SEZ6L: variants seen among roughly 807,000 people sequenced by gnomAD.
SEZ6L encodes the protein seizure 6-like protein.
Under a neutral mutation model 106.2 loss-of-function variants are expected in SEZ6L, and 37 were observed. That is an observed-to-expected ratio of 0.35 (90% confidence interval 0.27 to 0.46). The LOEUF (loss-of-function observed/expected upper bound fraction) is 0.46. Among genes scored for constraint, SEZ6L ranks in the 20% least tolerant of loss-of-function variants. The probability of loss-of-function intolerance (pLI) is 1.00; values close to 1 mark genes in which losing one functional copy is unlikely to be tolerated. For missense variants in SEZ6L, 1,172 were observed against 1,332.8 expected (o/e 0.88, Z 1.88); for synonymous variants, 541 against 570.4 (o/e 0.95, Z 0.73).
At chr22:26,368,974 C>T (rs2083910920) in intron 13 of SEZ6L, among the ~76,000 whole-genome samples, 1 of 152,168 alleles carries the variant, frequency 6.6e-6, no homozygotes, top group Admixed American at 6.5e-5. Flanking sequence ...CCCCAACCAG[C>T]CAGTCACCGC....
chr22:26,231,783 G>A (rs1165050734), intron 1 of SEZ6L, among the ~76,000 whole-genome samples: 1 of 152,230 alleles, frequency 6.6e-6, no homozygotes, highest in African/African-American at 2.4e-5. Flanking sequence ...CCACGATGCA[G>A]AAGCCCCCAG....
intron 9 of SEZ6L, among the ~76,000 whole-genome samples, chr22:26,316,271 A>G (rs1041049552): frequency 6.6e-6 from 1 of 152,176 alleles, no homozygotes; most frequent in African/African-American, 2.4e-5. Flanking sequence ...AATGGAATGG[A>G]TTGTCTCTCT....
At chr22:26,323,769 A>T (rs1190945312) in intron 9 of SEZ6L, among the ~76,000 whole-genome samples, 1 of 150,692 alleles carries the variant, frequency 6.6e-6, no homozygotes, top group South Asian at 2.1e-4. Flanking sequence ...GGCACACATT[A>T]TCTCATTGAT....
chr22:26,339,809 T>C (rs2082766570), intron 9 of SEZ6L, among the ~76,000 whole-genome samples: 1 of 152,228 alleles, frequency 6.6e-6, no homozygotes, highest in Non-Finnish European at 1.5e-5. Context: ...GCCTGGTGCC[T>C]AACACAGAGA....
At chr22:26,247,766 C>T (rs2079412413) in intron 1 of SEZ6L, among the ~76,000 whole-genome samples, 1 of 152,208 alleles carries the variant, frequency 6.6e-6, no homozygotes, top group South Asian at 2.1e-4. Flanking sequence ...CTAATATACC[C>T]TCTCTAGGCT....
At chr22:26,327,278 A>G (rs1490171298) in intron 9 of SEZ6L, among the ~76,000 whole-genome samples, 1 of 140,444 alleles carries the variant, frequency 7.1e-6, no homozygotes, top group Non-Finnish European at 1.6e-5. Flanking sequence ...CCACACACAC[A>G]CACCACCCCA....
At chr22:26,304,599 T>A (rs992953309) in intron 5 of SEZ6L, among the ~76,000 whole-genome samples, 1 of 152,166 alleles carries the variant, frequency 6.6e-6, no homozygotes, top group African/African-American at 2.4e-5. Context: ...ATATTTTTCA[T>A]TAGATTTTTA....
Position 26,292,364 on chromosome 22 carries a change from A to G in SEZ6L, c.95-42A>G, listed in dbSNP as rs552227093. The G allele has an allele frequency of 3.9e-6, 6 of 1,519,538 alleles. No individual in the cohort carries two copies. The East Asian group carries it at 6.8e-5, about 17-fold the overall frequency. The allele number at this position is 1,519,538 out of a possible 1,614,324, so 94.1% of individuals were successfully genotyped here. On this transcript the variant is annotated intron_variant, in intron 1 of 16. Coordinates refer to ENST00000248933, the MANE Select transcript of SEZ6L (RefSeq NM_021115.5). Reference sequence around the variant, plus strand: ...GAGTCTGACAGCAGGTGAAGGTCCTAAATCTCCCCAAACTAACTGGTGTCT... The same window carrying G: ...GAGTCTGACAGCAGGTGAAGGTCCTGAATCTCCCCAAACTAACTGGTGTCT...
chr22:26,253,461 C>G (rs978793161), intron 1 of SEZ6L, among the ~76,000 whole-genome samples: 1 of 152,164 alleles, frequency 6.6e-6, no homozygotes, highest in Admixed American at 6.5e-5. Context: ...TGTCCTTTCT[C>G]AACGTTTTCA....
At chr22:26,351,340 C>A in intron 12 of SEZ6L, 97 bp downstream of exon 12, 2 of 1,094,252 alleles carry the variant, frequency 1.8e-6, no homozygotes, top group Non-Finnish European at 1.3e-6. Flanking sequence ...AGGCCTTCTG[C>A]TTTTCGACAG....
At chr22:26,169,864 C>T (rs1938455149) in intron 1 of SEZ6L, 101 bp downstream of exon 1, 1 of 498,460 alleles carries the variant, frequency 2.0e-6, no homozygotes, top group Non-Finnish European at 3.1e-6. Flanking sequence ...CACCACCCGC[C>T]GGGATGGGAA....
At chr22:26,259,049 T>C (rs568817395) in intron 1 of SEZ6L, among the ~76,000 whole-genome samples, 3 of 152,182 alleles carry the variant, frequency 2.0e-5, no homozygotes, top group African/African-American at 4.8e-5. Context: ...GTAAAGGAAA[T>C]GATAAAGTTT....
intron 1 of SEZ6L, among the ~76,000 whole-genome samples, chr22:26,209,871 G>C (rs1300076544): frequency 6.9e-6 from 1 of 144,560 alleles, no homozygotes; most frequent in Non-Finnish European, 1.5e-5. Context: ...AAGGGAGAGA[G>C]GAAGGAAGGA....
chr22:26,318,056 C>CATTTTATTTT (rs71192913), intron 9 of SEZ6L, among the ~76,000 whole-genome samples: 14,452 of 146,598 alleles, frequency 0.099, 961 homozygotes, highest in East Asian at 0.33. Context: ...ATTCAATTTC[C>CATTTTATTTT]ATTTTATTTT....
intron 9 of SEZ6L, among the ~76,000 whole-genome samples, chr22:26,323,930 G>T (rs371578879): frequency 6.6e-6 from 1 of 152,094 alleles, no homozygotes; most frequent in East Asian, 1.9e-4. Context: ...CATCACGTCA[G>T]TGTGACTACT....
intron 12 of SEZ6L, among the ~76,000 whole-genome samples, chr22:26,355,908 G>T (rs1472322896): frequency 6.6e-6 from 1 of 152,240 alleles, no homozygotes; most frequent in Non-Finnish European, 1.5e-5. Context: ...GTCAGGCAGA[G>T]ATAAAGGGAA....
chr22:26,372,992 A>G (rs540372160), intron 13 of SEZ6L, among the ~76,000 whole-genome samples: 2 of 152,314 alleles, frequency 1.3e-5, no homozygotes, highest in East Asian at 1.9e-4. Context: ...TTGAGAGCAG[A>G]AACCAGAGAG....
chr22:26,194,075 C>T (rs989383253), intron 1 of SEZ6L, among the ~76,000 whole-genome samples: 3 of 152,076 alleles, frequency 2.0e-5, no homozygotes, highest in East Asian at 1.9e-4. Flanking sequence ...CTCCTAGATC[C>T]CAAAGGATGA....
chr22:26,298,369 T>G (rs1448091943), intron 4 of SEZ6L, among the ~76,000 whole-genome samples: 1 of 152,218 alleles, frequency 6.6e-6, no homozygotes, highest in Admixed American at 6.5e-5. Flanking sequence ...TGCACCCTTT[T>G]ACTACCCCCA....
Sources: gnomAD v4.1 joint callset for allele counts (sites outside exome capture counted in the v4.1 genomes callset) on GRCh38, gnomAD v4.1.1 for gene constraint, MANE v1.5 for transcripts, NCBI Gene and HGNC (gene_info 2026-07-23, HGNC 2026-07-21) for gene names.